The following IGF1R variants were observed in gnomAD, a reference collection of about 807,000 sequenced individuals.
The protein encoded by IGF1R is insulin like growth factor 1 receptor.
In IGF1R, 44 loss-of-function variants were observed where a neutral mutation model predicts 144.6. The ratio of observed to expected loss-of-function variants is 0.30; its 90% CI spans 0.24 to 0.39. IGF1R has a LOEUF of 0.39. Ranked by LOEUF, IGF1R falls within the 10% of genes least tolerant of loss-of-function variation. The probability of loss-of-function intolerance (pLI) is 1.00; values close to 1 mark genes in which losing one functional copy is unlikely to be tolerated. For missense variants in IGF1R, 1,355 were observed against 1,833.7 expected, an observed-to-expected ratio of 0.74 and a Z score of 4.77; for synonymous variants, 795 against 722.8, an observed-to-expected ratio of 1.10 and a Z score of -1.60.
intron 2 of IGF1R, among the ~76,000 whole-genome samples, chr15:98,735,553 G>T (rs1413284686): frequency 1.3e-5 from 2 of 152,228 alleles, no homozygotes; most frequent in African/African-American, 4.8e-5. Context: ...AGAGAAAGAT[G>T]CTCTGATGTG....
At chr15:98,932,805 C>G (rs7181022) in intron 15 of IGF1R, among the ~76,000 whole-genome samples, 66 of 152,172 alleles carry the variant, frequency 4.3e-4, no homozygotes, top group African/African-American at 1.5e-3. Context: ...TTGAAACATA[C>G]GTACTATGAA....
chr15:98,929,412 C>G, intron 13 of IGF1R, 146 bp from the exon 14 acceptor site: 1 of 714,782 alleles, frequency 1.4e-6, no homozygotes, highest in Non-Finnish European at 2.6e-6. Flanking sequence ...TTTCTGACAC[C>G]ATTTACCTTC....
chr15:98,912,032 A>G (rs1025314033), intron 7 of IGF1R, among the ~76,000 whole-genome samples: 3 of 152,168 alleles, frequency 2.0e-5, no homozygotes, highest in African/African-American at 4.8e-5. Flanking sequence ...GTGTGATCAC[A>G]TGACATTCCC....
At chr15:98,675,090 G>A (rs923589569) in intron 1 of IGF1R, among the ~76,000 whole-genome samples, 10 of 142,198 alleles carry the variant, frequency 7.0e-5, no homozygotes, top group African/African-American at 1.5e-4. Context: ...CCAGGTTAAA[G>A]CAATTATTCT....
At chr15:98,769,468 G>A (rs1253994517) in intron 2 of IGF1R, among the ~76,000 whole-genome samples, 1 of 152,130 alleles carries the variant, frequency 6.6e-6, no homozygotes, top group East Asian at 1.9e-4. Flanking sequence ...GCCTTCTAAG[G>A]CCTCAGTCCA....
chr15:98,712,885 C>G (rs892561353), intron 2 of IGF1R, among the ~76,000 whole-genome samples: 8 of 150,068 alleles, frequency 5.3e-5, no homozygotes, highest in Non-Finnish European at 1.2e-4. Flanking sequence ...GCTGGGATTA[C>G]AGGCATGAGC....
chr15:98,872,263 A>AT (rs952239925), intron 2 of IGF1R, among the ~76,000 whole-genome samples: 19 of 152,190 alleles, frequency 1.2e-4, no homozygotes, highest in South Asian at 4.1e-4. Flanking sequence ...TTGTCTTATG[A>AT]TTTTTTTTCT....
intron 4 of IGF1R, chr15:98,897,196 A>G (rs1433487936): frequency 6.8e-6 from 3 of 440,954 alleles, no homozygotes; most frequent in Non-Finnish European, 8.4e-6. Flanking sequence ...CCTGACACAT[A>G]CAAACCCCAG....
chr15:98,887,888 T>C (rs917892220), intron 2 of IGF1R, among the ~76,000 whole-genome samples: 2 of 152,250 alleles, frequency 1.3e-5, no homozygotes, highest in East Asian at 1.9e-4. Flanking sequence ...GGTCTGGGCA[T>C]GTTGTTCCCT....
chr15:98,885,537 C>T (rs551477281), intron 2 of IGF1R, among the ~76,000 whole-genome samples: 6 of 152,240 alleles, frequency 3.9e-5, no homozygotes, highest in East Asian at 1.9e-4. Context: ...AAGTTAGGAG[C>T]GGTTAATCCT....
intron 1 of IGF1R, among the ~76,000 whole-genome samples, chr15:98,701,121 A>T (rs1202660003): frequency 1.3e-5 from 2 of 152,058 alleles, no homozygotes; most frequent in Non-Finnish European, 2.9e-5. Context: ...GAACTACTAT[A>T]GTATGCCGCT....
rs868483071 is a variant in IGF1R, at chr15:98,957,112, C to T, written c.3774C>T (p.Ser1258=). 1.2e-6 allele frequency: 2 copies of T among 1,614,226 alleles called. No homozygotes were observed. Among genetic ancestry groups the T allele is most frequent in the Non-Finnish European group, 1.7e-6 (2 of 1,180,018 alleles). Residue 1258 remains serine (S), a synonymous_variant, in exon 21 of 21, where the codon TCC becomes TCT. Transcript: ENST00000650285. The part of the protein sequence containing the change: ...CWQYNPKMRP[S]FLEIISSIKE... ...AGTATAACCCCAAGATGAGGCCTTC[C>T]TTCCTGGAGATCATCAGCAGCATCA...
chr15:98,782,900 A>T (rs892475911), intron 2 of IGF1R, among the ~76,000 whole-genome samples: 2 of 152,248 alleles, frequency 1.3e-5, no homozygotes, highest in South Asian at 2.1e-4. Context: ...TAAGAAAGCA[A>T]TGTGGCTTAA....
chr15:98,788,804 G>A (rs536599962), intron 2 of IGF1R, among the ~76,000 whole-genome samples: 2 of 152,234 alleles, frequency 1.3e-5, no homozygotes, highest in South Asian at 2.1e-4. Context: ...TACATTTGTC[G>A]TCTTCATTTT....
chr15:98,945,733 T>C (rs2016525141), intron 19 of IGF1R, among the ~76,000 whole-genome samples: 1 of 152,094 alleles, frequency 6.6e-6, no homozygotes, highest in African/African-American at 2.4e-5. Flanking sequence ...CCTGAATAGA[T>C]GTTGAAATGG....
intron 2 of IGF1R, among the ~76,000 whole-genome samples, chr15:98,749,871 T>A (rs886458900): frequency 2.9e-5 from 4 of 139,658 alleles, no homozygotes; most frequent in Non-Finnish European, 6.1e-5. Context: ...TTTTAGACTT[T>A]TAAAATATTT....
chr15:98,851,944 C>T (rs879108627), intron 2 of IGF1R, among the ~76,000 whole-genome samples: 1 of 152,210 alleles, frequency 6.6e-6, no homozygotes, highest in Admixed American at 6.5e-5. Context: ...ACCCGTGTGC[C>T]CTTAATGGCG....
intron 2 of IGF1R, among the ~76,000 whole-genome samples, chr15:98,857,560 T>TC (rs2011898027): frequency 6.6e-6 from 1 of 152,206 alleles, no homozygotes; most frequent in Non-Finnish European, 1.5e-5. Flanking sequence ...GGCTCACAGT[T>TC]CCGTTCTTCC....
chr15:98,712,459 A>G (rs1179054522), intron 2 of IGF1R, among the ~76,000 whole-genome samples: 2 of 151,710 alleles, frequency 1.3e-5, no homozygotes, highest in Admixed American at 6.6e-5. Context: ...TTCCTTCTCC[A>G]GTTGGATACC....
Sources: allele counts gnomAD v4.1 joint callset (sites outside exome capture counted in the v4.1 genomes callset), GRCh38; gene constraint gnomAD v4.1.1; transcripts MANE v1.5; gene names NCBI Gene and HGNC (gene_info 2026-07-23, HGNC 2026-07-21).